The following WDR19 variants were observed in gnomAD, a reference collection of about 807,000 sequenced individuals.
WDR19 encodes WD repeat-containing protein 19.
Under a neutral mutation model 180.0 loss-of-function variants are expected in WDR19, and 121 were observed. The observed-to-expected ratio is 0.67, with a 90% CI of 0.58 to 0.78. The LOEUF (loss-of-function observed/expected upper bound fraction) is 0.78, where lower values mean the gene tolerates loss of function less well. WDR19 is among the 30% of genes least tolerant of loss of function. WDR19 has a pLI of 0.00. For missense variants in WDR19, 1,450 were observed against 1,640.7 expected (o/e 0.88, Z 2.01); for synonymous variants, 497 against 540.7 (o/e 0.92, Z 1.12).
chr4:39,219,286 C>T (rs1560505169), intron 14 of WDR19, among the ~76,000 whole-genome samples: 1 of 152,136 alleles, frequency 6.6e-6, no homozygotes, highest in Non-Finnish European at 1.5e-5. Context: ...TCAATACAAA[C>T]TTCAGGGTAA....
At chr4:39,246,047 G>T (rs374036448) in intron 24 of WDR19, among the ~76,000 whole-genome samples, 1 of 152,272 alleles carries the variant, frequency 6.6e-6, no homozygotes, top group East Asian at 1.9e-4. Flanking sequence ...GAACACAAGC[G>T]CCAGAGGAGG....
intron 31 of WDR19, among the ~76,000 whole-genome samples, chr4:39,270,748 C>A (rs1182761763): frequency 6.6e-6 from 1 of 152,140 alleles, no homozygotes; most frequent in Non-Finnish European, 1.5e-5. Flanking sequence ...TTACTTAAAA[C>A]ATCTTTCTTT....
intron 21 of WDR19, among the ~76,000 whole-genome samples, chr4:39,241,096 C>G (rs1283114082): frequency 1.3e-5 from 2 of 152,054 alleles, no homozygotes; most frequent in Admixed American, 1.3e-4. Flanking sequence ...CCTCTTTTTC[C>G]CATCCCAGAA....
chr4:39,225,129 T>G, intron 15 of WDR19, 96 bp downstream of exon 15: 4 of 955,262 alleles, frequency 4.2e-6, no homozygotes, highest in South Asian at 2.8e-5. Context: ...TTCTATTAAT[T>G]AGTGCCAAGG....
Position 39,215,325 on chromosome 4 carries a change from C to CT in WDR19, c.962-507dup, listed in dbSNP as rs1553907332. Among the ~76,000 whole-genome samples, 18 of 149,238 alleles carry CT rather than the reference C, an allele frequency of 1.2e-4. No individual in the cohort carries two copies. The East Asian group carries it at 1.6e-3, about 13-fold the overall frequency. ...TGTTTCTTTCTTTCTTTCTTTCTTT[C>CT]TTTTTTTTTGAGACAGCGTCTTGTT... On this transcript the variant is annotated intron_variant, in intron 10 of 36. Coordinates refer to ENST00000399820, the MANE Select transcript of WDR19 (RefSeq NM_025132.4).
chr4:39,199,415 G>T, intron 5 of WDR19, 63 bp from the exon 6 acceptor site: 1 of 1,214,436 alleles, frequency 8.2e-7, no homozygotes, highest in Non-Finnish European at 1.2e-6. Context: ...TATTCAGATT[G>T]GCATCACAGA....
chr4:39,215,152 G>A (rs983645234), intron 10 of WDR19, among the ~76,000 whole-genome samples: 2 of 152,042 alleles, frequency 1.3e-5, no homozygotes, highest in African/African-American at 2.4e-5. Context: ...CATACTGCTT[G>A]ACTAGAAAGA....
In WDR19 at chr4:39,232,148, G is replaced by C; in HGVS notation, c.2143-14G>C. ...TTGCATTTTTTTTCTCATCAGAATT[G>C]CTTTTATTTGTAGGGAATAGAGGAC... On this transcript the variant is annotated splice_polypyrimidine_tract_variant and intron_variant, in intron 18 of 36. Transcript: ENST00000399820. 6.3e-7 allele frequency: 1 copy of C among 1,590,808 alleles called. No homozygotes were observed. Among genetic ancestry groups the C allele is most frequent in the Non-Finnish European group, 8.5e-7 (1 of 1,169,628 alleles).
chr4:39,203,607 G>C, intron 6 of WDR19, 35 bp from the exon 7 acceptor site: 6 of 1,531,704 alleles, frequency 3.9e-6, no homozygotes, highest in Non-Finnish European at 5.4e-6. Context: ...TAAATATTGG[G>C]TTTGTTCATA....
intron 32 of WDR19, 151 bp downstream of exon 32, chr4:39,273,212 T>G: frequency 1.7e-6 from 1 of 592,210 alleles, no homozygotes; most frequent in African/African-American, 1.9e-5. Context: ...CCAAGACCAC[T>G]CCCAGGTTTG....
At chr4:39,258,581 G>T (rs980920230) in intron 28 of WDR19, among the ~76,000 whole-genome samples, 2 of 152,160 alleles carry the variant, frequency 1.3e-5, no homozygotes, top group Non-Finnish European at 2.9e-5. Flanking sequence ...GAATAAAGCT[G>T]CACTAAAGCT....
intron 24 of WDR19, among the ~76,000 whole-genome samples, chr4:39,245,693 A>G (rs1447516520): frequency 6.6e-6 from 1 of 152,182 alleles, no homozygotes; most frequent in Non-Finnish European, 1.5e-5. Context: ...GGGTTTTATA[A>G]TGGAAGTTGA....
intron 4 of WDR19, among the ~76,000 whole-genome samples, chr4:39,194,115 A>G (rs1313679253): frequency 6.6e-6 from 1 of 152,218 alleles, no homozygotes; most frequent in Admixed American, 6.5e-5. Context: ...TGGAAAAGAT[A>G]TATCATTTTT....
At chr4:39,280,116 CTTGT>C (rs1350476213) in intron 36 of WDR19, among the ~76,000 whole-genome samples, 2 of 52,474 alleles carry the variant, frequency 3.8e-5, no homozygotes, top group Admixed American at 5.4e-4. Context: ...TTTCCCTTTT[CTTGT>C]TTTTTTTTTT....
chr4:39,204,889 G>C (rs1043650529), intron 7 of WDR19, among the ~76,000 whole-genome samples: 21 of 152,042 alleles, frequency 1.4e-4, no homozygotes, highest in African/African-American at 4.8e-4. Context: ...TCTAATGAAA[G>C]GTATAGAAAA....
Position 39,253,923 on chromosome 4 carries a change from G to T in WDR19, c.2894G>T (p.Gly965Val), listed in dbSNP as rs778314721. Residue 965 changes from glycine (G) to valine (V), a missense_variant, in exon 26 of 37, where the codon GGT becomes GTT. Coordinates refer to ENST00000399820, the MANE Select transcript of WDR19 (RefSeq NM_025132.4). ...TGCTTTAGGTTTTTTCTACAGCTTG[G>T]TGACTATGGGTCTGCCATCCAGTTT... ...KMVARFFLQLGDYGSAIQFLV... is the reference protein window; with the variant it reads ...KMVARFFLQLVDYGSAIQFLV... 1.2e-6 allele frequency: 2 copies of T among 1,603,754 alleles called. No homozygotes were observed. Among genetic ancestry groups the T allele is most frequent in the African/African-American group, 2.7e-5 (2 of 74,610 alleles).
At chr4:39,185,339 G>T (rs1300330716) in intron 1 of WDR19, among the ~76,000 whole-genome samples, 4 of 152,114 alleles carry the variant, frequency 2.6e-5, no homozygotes, top group African/African-American at 9.7e-5. Flanking sequence ...AGCAATTTTT[G>T]TTCAGTTTAA....
intron 12 of WDR19, among the ~76,000 whole-genome samples, chr4:39,216,792 A>G (rs748596178): frequency 2.0e-5 from 3 of 152,188 alleles, no homozygotes; most frequent in Non-Finnish European, 2.9e-5. Flanking sequence ...ACCCTCAGGA[A>G]TAGAACAAAC....
At chr4:39,243,332 T>C (rs1332018972) in intron 21 of WDR19, among the ~76,000 whole-genome samples, 1 of 152,170 alleles carries the variant, frequency 6.6e-6, no homozygotes, top group Non-Finnish European at 1.5e-5. Context: ...ATGTTATCAG[T>C]TGTTTTATCT....
Sources: gnomAD v4.1 joint callset for allele counts (sites outside exome capture counted in the v4.1 genomes callset) on GRCh38, gnomAD v4.1.1 for gene constraint, MANE v1.5 for transcripts, NCBI Gene and HGNC (gene_info 2026-07-23, HGNC 2026-07-21) for gene names.